The following DCUN1D4 variants were observed in gnomAD, a reference collection of about 807,000 sequenced individuals.
DCUN1D4 encodes DCN1-like protein 4.
Under a neutral mutation model 47.9 loss-of-function variants are expected in DCUN1D4, and 22 were observed. That is an observed-to-expected ratio of 0.46 (90% CI 0.33 to 0.66). The LOEUF (loss-of-function observed/expected upper bound fraction) is 0.66. DCUN1D4 is among the 30% of genes least tolerant of loss of function. The pLI is 0.02. For missense variants in DCUN1D4, 301 were observed against 340.8 expected (o/e 0.88, Z 0.92); for synonymous variants, 121 against 112.2 (o/e 1.08, Z -0.50).
intron 5 of DCUN1D4, among the ~76,000 whole-genome samples, chr4:51,882,166 G>A (rs1728748982): frequency 6.6e-6 from 1 of 152,044 alleles, no homozygotes. Context: ...TTTATAAGTA[G>A]TACAGCAACA....
At chr4:51,874,155 T>G in intron 3 of DCUN1D4, 116 bp from the exon 4 acceptor site, 1 of 544,156 alleles carries the variant, frequency 1.8e-6, no homozygotes, top group South Asian at 5.0e-5. Flanking sequence ...CTTTAACATC[T>G]AAATTCCTTA....
At chr4:51,880,352 C>G (rs1396083925) in intron 5 of DCUN1D4, among the ~76,000 whole-genome samples, 1 of 152,166 alleles carries the variant, frequency 6.6e-6, no homozygotes, top group Non-Finnish European at 1.5e-5. Flanking sequence ...TAGAAGAGAG[C>G]AGGCTGGTTT....
At chr4:51,835,342 G>A in the DCUN1D4 span, among the ~76,000 whole-genome samples, 65 of 152,274 alleles carry the variant, frequency 4.3e-4, no homozygotes, top group Non-Finnish European at 7.8e-4. Flanking sequence ...CTACCTCTTG[G>A]GATTGTTGGG....
intron 1 of DCUN1D4, among the ~76,000 whole-genome samples, chr4:51,862,362 C>T (rs943003245): frequency 1.3e-5 from 2 of 152,182 alleles, no homozygotes; most frequent in Non-Finnish European, 2.9e-5. Context: ...ACAGGGAGGC[C>T]AGCTTGTTTT....
chr4:51,840,289 A>G (rs917731476), upstream of DCUN1D4, among the ~76,000 whole-genome samples: 1 of 152,218 alleles, frequency 6.6e-6, no homozygotes, highest in Non-Finnish European at 1.5e-5. Context: ...ATTGATTTAC[A>G]TATTGAAAAA....
chr4:51,899,322 T>C lies in DCUN1D4; in HGVS notation c.559T>C (p.Leu187=). The C allele has an allele frequency of 5.6e-6, 9 of 1,609,694 alleles. No individual in the cohort carries two copies. The highest frequency in any genetic ancestry group is 7.6e-6 in the Non-Finnish European group (9 of 1,178,392). Residue 187 remains leucine, a synonymous_variant, in exon 8 of 11, where the codon TTA becomes CTA. Coordinates refer to ENST00000334635, the MANE Select transcript of DCUN1D4 (RefSeq NM_001040402.3). ...RNTLDYLRSF[L]NDSTNFKLIY... ...TACTTTGGATTACTTAAGATCATTC[T>C]TAAATGATTCTACAAACTTTAAACT...
intron 2 of DCUN1D4, 36 bp from the exon 3 acceptor site, chr4:51,863,634 G>A: frequency 6.2e-7 from 1 of 1,609,320 alleles, no homozygotes; most frequent in Non-Finnish European, 8.5e-7. Flanking sequence ...CTAACGGTAT[G>A]TGATTTCTTC....
chr4:51,865,866 T>A (rs773439174), intron 3 of DCUN1D4, among the ~76,000 whole-genome samples: 1 of 152,162 alleles, frequency 6.6e-6, no homozygotes, highest in Non-Finnish European at 1.5e-5. Context: ...CCTGAATCAC[T>A]GTCACAACTA....
chr4:51,911,671 C>T lies in DCUN1D4; in HGVS notation c.720+497C>T, dbSNP rs184946910. On this transcript the variant is annotated intron_variant, in intron 9 of 10. Coordinates refer to ENST00000334635, the MANE Select transcript of DCUN1D4 (RefSeq NM_001040402.3). ...GTATTAGGCAGACTGACAATATCTC[C>T]TTCAGTTTAAATTGTCTTCAGATCA... 4.9e-4 allele frequency among the ~76,000 whole-genome samples: 75 copies of T among 152,280 alleles called. 1 individual carries two copies. Among genetic ancestry groups the T allele is most frequent in the African/African-American group, 1.7e-3 (72 of 41,570 alleles).
Position 51,872,192 on chromosome 4 carries a change from G to A in DCUN1D4, c.137-2079G>A, listed in dbSNP as rs561043598. Among the ~76,000 whole-genome samples the A allele has an allele frequency of 1.5e-4, 23 of 152,316 alleles. 1 individual carries two copies. The highest frequency in any genetic ancestry group is 9.8e-4 in the Admixed American group (15 of 15,308). On this transcript the variant is annotated intron_variant, in intron 3 of 10. Transcript: ENST00000334635. ...AGAGTCCCAATTTATAATGGAAAGGGTGCTTTGAACTGGTATGTTGCTGAA... is the reference window on the plus strand; with the variant it reads ...AGAGTCCCAATTTATAATGGAAAGGATGCTTTGAACTGGTATGTTGCTGAA...
chr4:51,882,769 A>AAAAT (rs994369414), intron 5 of DCUN1D4, among the ~76,000 whole-genome samples: 5 of 152,138 alleles, frequency 3.3e-5, no homozygotes, highest in African/African-American at 1.2e-4. Flanking sequence ...TCCATTTCAA[A>AAAAT]AAATAAATAA....
chr4:51,855,777 C>T lies in DCUN1D4; in HGVS notation c.26-7660C>T, dbSNP rs1043038024. 2.0e-5 allele frequency among the ~76,000 whole-genome samples: 3 copies of T among 152,094 alleles called. No homozygotes were observed. The East Asian group carries it at 5.8e-4, about 29-fold the overall frequency. Reference sequence around the variant, plus strand: ...ATTCAAGTAAAAGGTTGTAATGCATCCTTTGTGGGTTGGAATGGGTCTCTG... The same window carrying T: ...ATTCAAGTAAAAGGTTGTAATGCATTCTTTGTGGGTTGGAATGGGTCTCTG... On this transcript the variant is annotated intron_variant, in intron 1 of 10. Transcript: ENST00000334635.
intron 1 of DCUN1D4, chr4:51,844,866 C>G: frequency 2.0e-6 from 2 of 985,362 alleles, no homozygotes; most frequent in Non-Finnish European, 2.4e-6. Context: ...GCAGCGCGCC[C>G]TTGGAGCCTT....
intron 7 of DCUN1D4, among the ~76,000 whole-genome samples, chr4:51,897,558 G>T (rs1027897342): frequency 6.6e-6 from 1 of 151,572 alleles, no homozygotes; most frequent in Non-Finnish European, 1.5e-5. Context: ...GCTAGATATT[G>T]CAAACAAAAT....
chr4:51,867,578 C>G (rs529725065), intron 3 of DCUN1D4, among the ~76,000 whole-genome samples: 1 of 152,136 alleles, frequency 6.6e-6, no homozygotes, highest in Non-Finnish European at 1.5e-5. Context: ...GTGCAGCCCT[C>G]GGTGGAGAGG....
chr4:51,913,602 C>T lies in DCUN1D4; in HGVS notation c.*18C>T, dbSNP rs191084956. The T allele has an allele frequency of 5.6e-6, 9 of 1,608,058 alleles. No homozygotes were observed. The highest frequency in any genetic ancestry group is 3.3e-5 in the South Asian group (3 of 90,242). ...TGTCCTAGGACTTTATGCATAGCAGCGAGAGAGTCACTGTTACCACAGTTT... is the reference window on the plus strand; with the variant it reads ...TGTCCTAGGACTTTATGCATAGCAGTGAGAGAGTCACTGTTACCACAGTTT... On this transcript the variant is annotated 3_prime_UTR_variant, in exon 11 of 11. Transcript: ENST00000334635.
upstream of DCUN1D4, chr4:51,843,104 A>G: frequency 1.4e-6 from 2 of 1,450,754 alleles, no homozygotes; most frequent in Non-Finnish European, 1.8e-6. Flanking sequence ...GGTTTAGCCA[A>G]TGGAGAAGGC....
rs1350721766 is a variant in DCUN1D4 at position 51,915,229 on chromosome 4, G to C, written c.*1645G>C. On this transcript the variant is annotated 3_prime_UTR_variant, in exon 11 of 11. Transcript: ENST00000334635. ...CTAAACCACCAAAGAAAGAAATTTT[G>C]TATGTATATACAGTGTGTGTGTATA... 1 of 152,452 alleles carries C rather than the reference G, an allele frequency of 6.6e-6. No homozygotes were observed. Among genetic ancestry groups the C allele is most frequent in the African/African-American group, 2.4e-5 (1 of 41,400 alleles). 9.4% of individuals were successfully genotyped at this position (152,452 alleles called of 1,614,324 possible).
chr4:51,844,255 C>T, intron 1 of DCUN1D4: 1 of 896,166 alleles, frequency 1.1e-6, no homozygotes, highest in Non-Finnish European at 1.3e-6. Context: ...TACTTCCTCT[C>T]CCTGTCGAGG....
Sources: gnomAD v4.1 joint callset for allele counts (sites outside exome capture counted in the v4.1 genomes callset) on GRCh38, gnomAD v4.1.1 for gene constraint, MANE v1.5 for transcripts, NCBI Gene and HGNC (gene_info 2026-07-23, HGNC 2026-07-21) for gene names.